EVC: variants seen among roughly 807,000 people sequenced by gnomAD.
EVC encodes the protein EvC ciliary complex subunit 1.
In EVC, 116 loss-of-function variants were observed where a neutral mutation model predicts 118.9. That is an observed-to-expected ratio of 0.98 (90% CI 0.84 to 1.14). The LOEUF (loss-of-function observed/expected upper bound fraction) is 1.14. EVC is among the 50% of genes most tolerant of loss of function. The pLI, the probability that EVC is intolerant of heterozygous loss-of-function variation, is 0.00. For missense variants in EVC, 1,401 were observed against 1,246.4 expected (o/e 1.12, Z -1.87); for synonymous variants, 619 against 534.7 (o/e 1.16, Z -2.18).
At chr4:5,748,679 TCCACCCAC>T (rs1729825082) in intron 8 of EVC, among the ~76,000 whole-genome samples, 1 of 95,086 alleles carries the variant, frequency 1.1e-5, no homozygotes, top group Non-Finnish European at 2.0e-5. Context: ...CATCCATCCA[TCCACCCAC>T]CCATCCATCC....
the EVC span, chr4:5,825,057 C>A: frequency 1.0e-6 from 1 of 985,244 alleles, no homozygotes; most frequent in South Asian, 4.7e-5. This position sits in a 1 kb window ranked among gnomAD's most constrained non-coding sequence, Gnocchi z 4.4. Context: ...AAAATAAAAT[C>A]ATGGGTTATG....
At chr4:5,771,417 C>T (rs1407903034) in intron 11 of EVC, among the ~76,000 whole-genome samples, 1 of 152,132 alleles carries the variant, frequency 6.6e-6, no homozygotes, top group African/African-American at 2.4e-5. Context: ...CCTGTGATGA[C>T]ATTGGAGCCA....
chr4:5,762,060 C>T (rs1453486406), intron 11 of EVC, among the ~76,000 whole-genome samples: 1 of 69,858 alleles, frequency 1.4e-5, no homozygotes, highest in Non-Finnish European at 2.8e-5. Context: ...CCCACCCCCA[C>T]CCCACATCAG....
intron 11 of EVC, among the ~76,000 whole-genome samples, chr4:5,767,485 G>A (rs921409661): frequency 8.6e-5 from 13 of 150,736 alleles, no homozygotes; most frequent in African/African-American, 1.7e-4. Context: ...AATGGCGGGC[G>A]CCTCTCCCCC....
In EVC at chr4:5,749,526, C is replaced by A. The variant is rs6813121; in HGVS notation, c.1098+1220C>A. ...TTGAACACATTACTTAACCTCTCTG[C>A]GCGTCTGTTCCTCTATTTATAAAAT... On this transcript the variant is annotated intron_variant, in intron 8 of 20. Transcript: ENST00000264956. This position sits in a 1 kb window ranked among gnomAD's most constrained non-coding sequence, Gnocchi z 4.4. Among the ~76,000 whole-genome samples, 31,068 of 151,866 alleles carry A rather than the reference C, an allele frequency of 0.2. 3,780 individuals are homozygous for A. The highest frequency in any genetic ancestry group is 0.33 in the African/African-American group (13,797 of 41,356).
At chr4:5,711,686 G>A (rs1577298558) in intron 1 of EVC, 132 bp downstream of exon 1, 1 of 792,292 alleles carries the variant, frequency 1.3e-6, no homozygotes, top group Non-Finnish European at 1.6e-6. Flanking sequence ...CCGCTTAGGC[G>A]TCGGGTTCCC....
chr4:5,728,592 G>A (rs1406742944), intron 2 of EVC, among the ~76,000 whole-genome samples: 1 of 152,152 alleles, frequency 6.6e-6, no homozygotes, highest in Non-Finnish European at 1.5e-5. Flanking sequence ...CTTTTCTAGT[G>A]ACTCAGCAGG....
chr4:5,711,583 GC>G, intron 1 of EVC, 29 bp downstream of exon 1: 1 of 1,170,752 alleles, frequency 8.5e-7, no homozygotes. Flanking sequence ...CAGCGGCGGG[GC>G]GGGGAGCGCG....
intron 2 of EVC, among the ~76,000 whole-genome samples, chr4:5,724,797 C>G (rs778152460): frequency 4.6e-5 from 7 of 151,808 alleles, no homozygotes; most frequent in Non-Finnish European, 1.0e-4. Context: ...CATAGGTAAA[C>G]GTGTGCCATG....
the EVC span, chr4:5,828,437 G>A: frequency 3.8e-6 from 6 of 1,587,752 alleles, no homozygotes; most frequent in Non-Finnish European, 5.2e-6. Context: ...CCCAAGAGAC[G>A]CTGTCGGCTC....
the EVC span, chr4:5,826,067 C>T: frequency 1.5e-5 from 4 of 266,284 alleles, no homozygotes; most frequent in Non-Finnish European, 2.8e-5. Flanking sequence ...TATGTATACA[C>T]ATGCATACAT....
At chr4:5,768,267 G>C (rs1005116540) in intron 11 of EVC, among the ~76,000 whole-genome samples, 4 of 152,148 alleles carry the variant, frequency 2.6e-5, no homozygotes, top group African/African-American at 9.7e-5. Context: ...GAGTAGGGAA[G>C]TGACTTGCTT....
chr4:5,786,958 C>G (rs1711769633), intron 12 of EVC, among the ~76,000 whole-genome samples: 1 of 151,982 alleles, frequency 6.6e-6, no homozygotes, highest in Non-Finnish European at 1.5e-5. Flanking sequence ...GAAATGAGCT[C>G]TCTGTCATTC....
the EVC span, chr4:5,824,622 T>C: frequency 2.3e-4 from 217 of 949,170 alleles, no homozygotes; most frequent in Non-Finnish European, 2.7e-4. Flanking sequence ...GACCTGAGAA[T>C]AGTTTGTACA....
the EVC span, among the ~76,000 whole-genome samples, chr4:5,828,848 C>A: frequency 4.6e-5 from 7 of 152,098 alleles, no homozygotes; most frequent in Non-Finnish European, 7.3e-5. Context: ...ATATAACCAA[C>A]AACTCACCGT....
chr4:5,748,989 G>C (rs932075424), intron 8 of EVC, among the ~76,000 whole-genome samples: 19 of 152,054 alleles, frequency 1.2e-4, no homozygotes, highest in Admixed American at 1.2e-3. Flanking sequence ...ACCTGGCTGG[G>C]CATTGGGGTT....
chr4:5,821,995 C>A, the EVC span: 1 of 661,410 alleles, frequency 1.5e-6, no homozygotes, highest in Non-Finnish European at 2.5e-6. The surrounding 1 kb of genome is among the most constrained non-coding windows in gnomAD (Gnocchi z 4.4). Flanking sequence ...GGGAAGCCTC[C>A]CTGGCCTCCA....
chr4:5,724,766 G>A (rs537318888), intron 2 of EVC, among the ~76,000 whole-genome samples: 1 of 151,688 alleles, frequency 6.6e-6, no homozygotes, highest in South Asian at 2.1e-4. Context: ...GGGTACACAT[G>A]CAGGATGTGC....
Position 5,731,769 on chromosome 4 carries a change from C to T in EVC, c.617+112C>T, listed in dbSNP as rs981182933. ...GGCCCAGAGAGGTTCAGTGACTCTG[C>T]CAGGGACACACAGCGACCCAGCGTC... On this transcript the variant is annotated intron_variant, in intron 4 of 20. Coordinates refer to ENST00000264956, the MANE Select transcript of EVC (RefSeq NM_153717.3). The surrounding 1 kb of genome is among the most constrained non-coding windows in gnomAD (Gnocchi z 5.6). 2 of 1,082,058 alleles carry T rather than the reference C, an allele frequency of 1.8e-6. No homozygotes were observed. The highest frequency in any genetic ancestry group is 2.0e-5 in the Admixed American group (1 of 50,424). 67.0% of individuals were successfully genotyped at this position (1,082,058 alleles called of 1,614,324 possible). A position where few individuals can be genotyped will look rare whatever the true frequency, so the allele number is the denominator to read the frequency against.
Sources: gnomAD v4.1 joint callset for allele counts (sites outside exome capture counted in the v4.1 genomes callset) on GRCh38, gnomAD v4.1.1 for gene constraint, Gnocchi (gnomAD v3.1) non-coding constraint, MANE v1.5 for transcripts, NCBI Gene and HGNC (gene_info 2026-07-23, HGNC 2026-07-21) for gene names.